Variants in COA8 observed in about 807,000 individuals in gnomAD.
The protein encoded by COA8 is UPF0671 protein C14orf153.
In COA8, 20 loss-of-function variants were observed where a neutral mutation model predicts 22.0. That is an observed-to-expected ratio of 0.91 (90% CI 0.64 to 1.32). The LOEUF is 1.32. COA8 is among the 40% of genes most tolerant of loss of function. COA8 has a pLI of 0.00. For missense variants in COA8, 266 were observed against 230.0 expected, an observed-to-expected ratio of 1.16 and a Z score of -1.01; for synonymous variants, 105 against 79.9, an observed-to-expected ratio of 1.31 and a Z score of -1.68.
At chr14:103,589,004 C>G (rs1275996805) in intron 4 of COA8, among the ~76,000 whole-genome samples, 1 of 152,088 alleles carries the variant, frequency 6.6e-6, no homozygotes, top group Admixed American at 6.6e-5. Context: ...TTTCCCTGGT[C>G]TTTGGACACG....
At chr14:103,587,423 T>A in intron 4 of COA8, 59 bp downstream of exon 4, 1 of 1,136,886 alleles carries the variant, frequency 8.8e-7, no homozygotes, top group Non-Finnish European at 1.3e-6. Flanking sequence ...GGTAGGAGTG[T>A]TTTCTTACCT....
intron 1 of COA8, among the ~76,000 whole-genome samples, chr14:103,564,571 CTTTTTTTT>C (rs561702478): frequency 7.7e-5 from 7 of 91,460 alleles, no homozygotes; most frequent in Non-Finnish European, 8.4e-5. Flanking sequence ...ATATACACTT[CTTTTTTTT>C]TTTTTTTTTT....
At position 103,581,744 on chromosome 14, in the gene COA8, G is replaced by A; in HGVS notation, c.386-5530G>A. 2.5e-6 allele frequency: 1 copy of A among 397,240 alleles called. No individual in the cohort carries two copies. Among genetic ancestry groups the A allele is most frequent in the Non-Finnish European group, 4.4e-6 (1 of 225,482 alleles). The allele number at this position is 397,240 out of a possible 1,614,324, so 24.6% of individuals were successfully genotyped here. A position where few individuals can be genotyped will look rare whatever the true frequency, so the allele number is the denominator to read the frequency against. On this transcript the variant is annotated intron_variant, in intron 3 of 4. Coordinates refer to ENST00000409074, the MANE Select transcript of COA8 (RefSeq NM_001370595.2). The surrounding 1 kb of genome is among the most constrained non-coding windows in gnomAD (Gnocchi z 4.1). ...ACTGAAGGGAAAAGCAGAGCAGGGG[G>A]CTGTAGAGTTAAACTGTTCTTCATT...
intron 4 of COA8, 100 bp downstream of exon 4, chr14:103,587,464 G>T: frequency 1.6e-6 from 1 of 644,530 alleles, no homozygotes. Flanking sequence ...TTATATCAGA[G>T]GTAGAAGTTG....
At position 103,581,848 on chromosome 14, in the gene COA8, G is replaced by C. The variant is rs577546742; in HGVS notation, c.386-5426G>C. On this transcript the variant is annotated intron_variant, in intron 3 of 4. Coordinates refer to ENST00000409074, the MANE Select transcript of COA8 (RefSeq NM_001370595.2). The surrounding 1 kb of genome is among the most constrained non-coding windows in gnomAD (Gnocchi z 4.1). ...TCTGCCGTGTGGCTAGGGGACAGCC[G>C]TGCTTGTGCTGTGCCGTCTGAGTGT... Among the ~76,000 whole-genome samples, 1 of 152,332 alleles carries C rather than the reference G, an allele frequency of 6.6e-6. No homozygotes were observed. Among genetic ancestry groups the C allele is most frequent in the East Asian group, 1.9e-4 (1 of 5,186 alleles).
chr14:103,576,399 C>T (rs1409286572), intron 3 of COA8, among the ~76,000 whole-genome samples: 1 of 152,186 alleles, frequency 6.6e-6, no homozygotes, highest in African/African-American at 2.4e-5. Context: ...ATAACAGACT[C>T]ACCATTATCT....
chr14:103,583,613 TC>T, intron 3 of COA8, among the ~76,000 whole-genome samples: 1 of 151,682 alleles, frequency 6.6e-6, no homozygotes, highest in East Asian at 1.9e-4. Context: ...CTTCTCTAAT[TC>T]CACTTCTCCA....
At chr14:103,588,009 C>T (rs1041151516) in intron 4 of COA8, 5 of 228,890 alleles carry the variant, frequency 2.2e-5, no homozygotes, top group East Asian at 7.6e-5. Flanking sequence ...CCAGCTGCTC[C>T]GGAGGCTCAG....
chr14:103,574,149 C>T lies in COA8; in HGVS notation c.364C>T (p.Leu122=). 6.3e-7 allele frequency: 1 copy of T among 1,596,304 alleles called. No individual in the cohort carries two copies. The highest frequency in any genetic ancestry group is 2.3e-5 in the East Asian group (1 of 44,194). ...TCACTCAAGACTAAAAACTAAAGGC[C>T]TGGGCCTGAGAACTGAATCAGGTTA... ...FIHSRLKTKG[L]GLRTESGQKA... is the part of the protein sequence containing the mutation. The change falls in exon 3 of 5, where the codon CTG becomes TTG. Residue 122 remains leucine (L), a synonymous_variant. Transcript: ENST00000409074.
intron 3 of COA8, among the ~76,000 whole-genome samples, chr14:103,586,582 C>T (rs931079386): frequency 7.3e-5 from 11 of 150,880 alleles, no homozygotes; most frequent in Non-Finnish European, 1.0e-4. Flanking sequence ...ATCTTCTGAT[C>T]GGCCCAGCCC....
intron 1 of COA8, among the ~76,000 whole-genome samples, chr14:103,566,909 T>A (rs1397662817): frequency 2.0e-5 from 3 of 152,200 alleles, no homozygotes. Context: ...CAAATAACCA[T>A]ATTTTTCCCT....
rs569648936 is a variant in COA8 at position 103,588,356 on chromosome 14, A to C, written c.476+992A>C. Reference sequence around the variant, plus strand: ...ATAGTGAAAGGCTTGAGCTAGGAGGACCACTTGAGCCTGGGAGGTTAAGGC... The same window carrying C: ...ATAGTGAAAGGCTTGAGCTAGGAGGCCCACTTGAGCCTGGGAGGTTAAGGC... On this transcript the variant is annotated intron_variant, in intron 4 of 4. Coordinates refer to ENST00000409074, the MANE Select transcript of COA8 (RefSeq NM_001370595.2). The C allele has an allele frequency of 5.8e-5, 23 of 393,892 alleles. No individual in the cohort carries two copies. The South Asian group carries it at 2.9e-3, about 50-fold the overall frequency. 24.4% of individuals were successfully genotyped at this position (393,892 alleles called of 1,614,324 possible). A position where few individuals can be genotyped will look rare whatever the true frequency, so the allele number is the denominator to read the frequency against.
chr14:103,571,352 G>C (rs940513972), intron 1 of COA8, among the ~76,000 whole-genome samples: 3 of 151,958 alleles, frequency 2.0e-5, no homozygotes, highest in Non-Finnish European at 4.4e-5. Flanking sequence ...CTGAGCGACA[G>C]AGTGAGACTC....
At chr14:103,563,263 C>T (rs1303204168) in intron 1 of COA8, 139 bp downstream of exon 1, 1 of 1,179,414 alleles carries the variant, frequency 8.5e-7, no homozygotes, top group East Asian at 2.5e-5. Context: ...CCCGAACAGT[C>T]CCGCAGCCCC....
intron 1 of COA8, among the ~76,000 whole-genome samples, chr14:103,569,913 G>C (rs1453237495): frequency 2.6e-5 from 4 of 152,220 alleles, no homozygotes; most frequent in Non-Finnish European, 5.9e-5. Flanking sequence ...CTGGAATGCA[G>C]TGGTGCGATC....
At chr14:103,567,713 A>G (rs2076145963) in intron 1 of COA8, among the ~76,000 whole-genome samples, 1 of 152,176 alleles carries the variant, frequency 6.6e-6, no homozygotes, top group African/African-American at 2.4e-5. Context: ...CAAATTGTCT[A>G]ATCATCTTTA....
chr14:103,585,131 C>G (rs2076296425), intron 3 of COA8, among the ~76,000 whole-genome samples: 3 of 149,836 alleles, frequency 2.0e-5, no homozygotes, highest in African/African-American at 7.4e-5. Context: ...GAGCAAGACT[C>G]TGTCTCTAAA....
At chr14:103,579,868 C>G (rs373228673) in intron 3 of COA8, among the ~76,000 whole-genome samples, 19 of 145,590 alleles carry the variant, frequency 1.3e-4, no homozygotes, top group African/African-American at 4.8e-4. Context: ...GAGGCTGAGG[C>G]AGGAGAATCA....
intron 3 of COA8, among the ~76,000 whole-genome samples, chr14:103,578,328 C>T (rs774854806): frequency 2.0e-5 from 3 of 152,154 alleles, no homozygotes; most frequent in East Asian, 1.9e-4. Flanking sequence ...TGGTGGCCTA[C>T]GCACTTACTG....
Sources: gnomAD v4.1 joint callset for allele counts (sites outside exome capture counted in the v4.1 genomes callset) on GRCh38, gnomAD v4.1.1 for gene constraint, Gnocchi (gnomAD v3.1) non-coding constraint, MANE v1.5 for transcripts, NCBI Gene and HGNC (gene_info 2026-07-23, HGNC 2026-07-21) for gene names.